Variants in VWDE observed in about 807,000 individuals in gnomAD.
VWDE encodes von Willebrand factor D and EGF domains.
Under a neutral mutation model 178.4 loss-of-function variants are expected in VWDE, and 207 were observed. The observed-to-expected ratio is 1.16, with a 90% CI of 1.04 to 1.30. The LOEUF (loss-of-function observed/expected upper bound fraction) is 1.30, where lower values mean the gene tolerates loss of function less well. Among genes scored for constraint, VWDE ranks in the 50% most tolerant of loss-of-function variants. The pLI is 0.00. For synonymous variants in VWDE, 738 were observed against 651.4 expected (o/e 1.13, Z -2.02); for missense variants, 2,287 against 1,901.3 (o/e 1.20, Z -3.77).
Position 12,380,810 on chromosome 7 carries a change from CTATAACTCTGTGGTT to C in VWDE, c.542-92_542-78del, listed in dbSNP as rs1024770130. The C allele has an allele frequency of 3.7e-5, 54 of 1,475,164 alleles. No individual in the cohort carries two copies. In the African/African-American group the frequency reaches 7.4e-4, roughly 20 times the overall value. The allele number at this position is 1,475,164 out of a possible 1,614,324, so 91.4% of individuals were successfully genotyped here. On this transcript the variant is annotated intron_variant, in intron 4 of 28. Transcript: ENST00000275358. ...GGCTTATGGAAAAAGCACTCAAAGA[CTATAACTCTGTGGTT>C]TATCTTAAGAAAAAGCAAGCTAAAT...
chr7:12,390,812 C>G (rs2356173), intron 2 of VWDE, among the ~76,000 whole-genome samples: 59,495 of 151,634 alleles, frequency 0.39, 11,967 homozygotes, highest in African/African-American at 0.46. Context: ...AAAATTATCA[C>G]TATGTTTTAA....
chr7:12,353,390 C>T (rs1314972381), intron 18 of VWDE, among the ~76,000 whole-genome samples: 2 of 140,286 alleles, frequency 1.4e-5, no homozygotes, highest in African/African-American at 5.4e-5. Flanking sequence ...TATAGCCACA[C>T]TGGGAGTTAG....
Position 12,359,647 on chromosome 7 carries a change from T to C in VWDE, c.3205A>G (p.Lys1069Glu). 6.4e-7 allele frequency: 1 copy of C among 1,550,572 alleles called. No individual in the cohort carries two copies. Among genetic ancestry groups the C allele is most frequent in the Non-Finnish European group, 8.7e-7 (1 of 1,146,330 alleles). Residue 1069 changes from lysine (K) to glutamate (E), a missense_variant, in exon 16 of 29, where the codon AAA becomes GAA. Transcript: ENST00000275358. Reference protein sequence around the residue: ...IDGLCYVEGDKNPTSPCLICR... With the variant: ...IDGLCYVEGDENPTSPCLICR... ...ATCAAACAAGGGCTGGTTGGATTTT[T>C]GTCTCCTTCAACATAGCAGAGTCCA...
At chr7:12,363,542 A>C (rs963180954) in intron 13 of VWDE, among the ~76,000 whole-genome samples, 2 of 152,052 alleles carry the variant, frequency 1.3e-5, no homozygotes, top group Admixed American at 6.6e-5. Flanking sequence ...AAAACTACTA[A>C]TACAAAAGTA....
intron 3 of VWDE, among the ~76,000 whole-genome samples, chr7:12,386,077 T>C (rs1784084888): frequency 6.6e-6 from 1 of 152,212 alleles, no homozygotes; most frequent in South Asian, 2.1e-4. Flanking sequence ...TTGTTTTCTT[T>C]TTTATTAGTT....
intron 7 of VWDE, among the ~76,000 whole-genome samples, chr7:12,376,611 C>G (rs1583326444): frequency 6.6e-6 from 1 of 152,086 alleles, no homozygotes; most frequent in East Asian, 1.9e-4. Flanking sequence ...ACATCATCCT[C>G]TTTCTGTTCT....
At position 12,375,213 on chromosome 7, in the gene VWDE, C is replaced by A; in HGVS notation, c.1039G>T (p.Gly347Cys). ...CAGGAAGACAGTGCCAAATTTAAGC[C>A]TAGGTGCTCTCTACCTATTTAATGA... ...KTIGQGREHL[G>C]LNLALSSCHV... is the part of the protein sequence containing the mutation. The change falls in exon 8 of 29, where the codon GGC becomes TGC. Residue 347 changes from glycine to cysteine, a missense_variant. Transcript: ENST00000275358. 1 of 1,550,804 alleles carries A rather than the reference C, an allele frequency of 6.4e-7. No homozygotes were observed. Among genetic ancestry groups the A allele is most frequent in the Non-Finnish European group, 8.7e-7 (1 of 1,146,370 alleles).
intron 2 of VWDE, among the ~76,000 whole-genome samples, chr7:12,390,224 C>G (rs17165982): frequency 2.5e-4 from 37 of 150,822 alleles, no homozygotes; most frequent in African/African-American, 8.0e-4. Flanking sequence ...TTATCAAAAT[C>G]CTTTTCAGAT....
intron 2 of VWDE, 121 bp downstream of exon 2, chr7:12,393,473 A>G (rs1784480840): frequency 1.2e-6 from 1 of 823,886 alleles, no homozygotes; most frequent in Non-Finnish European, 1.8e-6. Flanking sequence ...TTTCAGATTA[A>G]CTCAATACAA....
chr7:12,342,762 A>G (rs932482731), intron 22 of VWDE, among the ~76,000 whole-genome samples: 2 of 151,792 alleles, frequency 1.3e-5, no homozygotes, highest in African/African-American at 4.8e-5. Flanking sequence ...TACATGTGCC[A>G]TGCTGGTGTG....
At position 12,375,182 on chromosome 7, in the gene VWDE, A is replaced by G. The variant is rs1244522885; in HGVS notation, c.1070T>C (p.Val357Ala). 6.4e-7 allele frequency: 1 copy of G among 1,551,214 alleles called. No individual in the cohort carries two copies. The highest frequency in any genetic ancestry group is 1.2e-5 in the South Asian group (1 of 84,060). The part of the protein sequence containing the change: ...GLNLALSSCH[V>A]DLLQTSSCAN... ...ACAGGAAGATGTCTGGAGAAGGTCC[A>G]CATGACAGGAAGACAGTGCCAAATT... Residue 357 changes from valine (V) to alanine (A), a missense_variant, in exon 8 of 29, where the codon GTG becomes GCG. Coordinates refer to ENST00000275358, the MANE Select transcript of VWDE (RefSeq NM_001135924.3).
intron 18 of VWDE, among the ~76,000 whole-genome samples, 200 bp from the exon 19 acceptor site, chr7:12,351,913 C>T (rs768061250): frequency 4.6e-5 from 7 of 152,014 alleles, no homozygotes; most frequent in Non-Finnish European, 1.0e-4. Context: ...ATGTTAAATC[C>T]CTACTCCTAC....
rs1313650349 is a variant in VWDE, at chr7:12,393,771, C to T, written c.66G>A (p.Glu22=). The T allele has an allele frequency of 4.5e-6, 7 of 1,545,344 alleles. No homozygotes were observed. The East Asian group carries it at 9.8e-5, about 22-fold the overall frequency. Residue 22 remains glutamate (E), a synonymous_variant, in exon 2 of 29, where the codon GAG becomes GAA. Coordinates refer to ENST00000275358, the MANE Select transcript of VWDE (RefSeq NM_001135924.3). ...LMFLAWGEAQ[E]CSPGGHQFLR... is the part of the protein sequence containing the mutation. Reference sequence around the variant, plus strand: ...GAAACTGGTGTCCCCCAGGAGAGCACTCCTGAGCTAGTATGGAAAGACAGG... The same window carrying T: ...GAAACTGGTGTCCCCCAGGAGAGCATTCCTGAGCTAGTATGGAAAGACAGG...
In VWDE at chr7:12,393,636, G is replaced by A. The variant is rs1784490947; in HGVS notation, c.201C>T (p.Leu67=). The A allele has an allele frequency of 6.4e-7, 1 of 1,551,000 alleles. No individual in the cohort carries two copies. The highest frequency in any genetic ancestry group is 1.4e-5 in the African/African-American group (1 of 73,122). ...GCATCTCGGCAGGTCTGTCAAGGAT[G>A]AGAAATCTATACCATCCAGGGGAGA... ...HSLSPGWYRF[L]ILDRPAEMPT... The change falls in exon 2 of 29, where the codon CTC becomes CTT. Residue 67 remains leucine (L), a synonymous_variant. Transcript: ENST00000275358.
intron 3 of VWDE, among the ~76,000 whole-genome samples, chr7:12,384,264 A>G (rs1338761327): frequency 6.6e-6 from 1 of 152,168 alleles, no homozygotes; most frequent in Non-Finnish European, 1.5e-5. Context: ...GCTACCTACT[A>G]AGTGATTCCA....
intron 3 of VWDE, among the ~76,000 whole-genome samples, chr7:12,384,326 G>C (rs1783994226): frequency 6.6e-6 from 1 of 152,032 alleles, no homozygotes; most frequent in Non-Finnish European, 1.5e-5. Flanking sequence ...AAAAAGAGCT[G>C]TGGTTGTCTG....
At position 12,357,429 on chromosome 7, in the gene VWDE, C is replaced by T. The variant is rs1029901552; in HGVS notation, c.3361G>A (p.Asp1121Asn). ...ENFEYQFVAF[D>N]PEGSDIHFTL... is the part of the protein sequence containing the mutation. ...AAATGGATGTCAGAACCTTCTGGAT[C>T]GAAGGCCACGAACTGATACTCAAAG... The change falls in exon 17 of 29, where the codon GAT (aspartate) becomes AAT (asparagine). Residue 1121 changes from aspartate (D) to asparagine (N), a missense_variant. Asp to Asn is a conservative substitution (Grantham distance 23, BLOSUM62 1). Coordinates refer to ENST00000275358, the MANE Select transcript of VWDE (RefSeq NM_001135924.3). 2 of 1,551,916 alleles carry T rather than the reference C, an allele frequency of 1.3e-6. No individual in the cohort carries two copies. The highest frequency in any genetic ancestry group is 3.9e-5 in the Admixed American group (2 of 50,986).
chr7:12,384,559 G>C (rs942371683), intron 3 of VWDE, among the ~76,000 whole-genome samples: 10 of 152,098 alleles, frequency 6.6e-5, no homozygotes, highest in African/African-American at 1.9e-4. Context: ...ACTCTGGTGG[G>C]GGACGTCGAC....
chr7:12,356,254 A>G lies in VWDE; in HGVS notation c.3602T>C (p.Val1201Ala), dbSNP rs1782242944. The change falls in exon 18 of 29, where the codon GTG becomes GCG. Residue 1201 changes from valine to alanine, a missense_variant. Val to Ala is a moderately conservative substitution (Grantham distance 64). Transcript: ENST00000275358. ...GCCAGGCAAGCAGACACACAGGTAC[A>G]CTCCACTCCCTGGAGAAAAGTTCCT... ...SDRNFSPGSG[V>A]YLCVCLPGFH... 1.3e-6 allele frequency: 2 copies of G among 1,551,170 alleles called. No individual in the cohort carries two copies. The highest frequency in any genetic ancestry group is 2.0e-5 in the Admixed American group (1 of 50,892).
Sources: gnomAD v4.1 joint callset for allele counts (sites outside exome capture counted in the v4.1 genomes callset) on GRCh38, gnomAD v4.1.1 for gene constraint, MANE v1.5 for transcripts, NCBI Gene and HGNC (gene_info 2026-07-23, HGNC 2026-07-21) for gene names.